VOPP1: variants seen among roughly 807,000 people sequenced by gnomAD.
VOPP1 encodes the protein VOPP1 WW domain binding protein.
In VOPP1, 8 loss-of-function variants were observed where a neutral mutation model predicts 23.5. That is an observed-to-expected ratio of 0.34 (90% CI 0.20 to 0.61). The LOEUF (loss-of-function observed/expected upper bound fraction) is 0.61. VOPP1 is among the 20% of genes least tolerant of loss of function. The pLI is 0.78. For synonymous variants in VOPP1, 83 were observed against 97.3 expected (o/e 0.85, Z 0.86); for missense variants, 174 against 238.1 (o/e 0.73, Z 1.77).
At chr7:55,500,846 A>C (rs966231305) in intron 2 of VOPP1, among the ~76,000 whole-genome samples, 3 of 152,254 alleles carry the variant, frequency 2.0e-5, no homozygotes, top group Non-Finnish European at 4.4e-5. Flanking sequence ...CGAAGAGTGG[A>C]CTTGGCCAGC....
chr7:55,482,824 T>C (rs1225931223), intron 4 of VOPP1, among the ~76,000 whole-genome samples: 2 of 152,118 alleles, frequency 1.3e-5, no homozygotes, highest in Non-Finnish European at 2.9e-5. Context: ...CAAGATTAAG[T>C]AGAAAATGAA....
intron 1 of VOPP1, among the ~76,000 whole-genome samples, chr7:55,551,091 T>C (rs1044987553): frequency 6.6e-6 from 1 of 152,132 alleles, no homozygotes; most frequent in Admixed American, 6.5e-5. Context: ...ATTATCTCCC[T>C]GTTATGCAGA....
chr7:55,457,954 C>T (rs1421185446), intron 4 of VOPP1, among the ~76,000 whole-genome samples: 1 of 152,062 alleles, frequency 6.6e-6, no homozygotes, highest in Non-Finnish European at 1.5e-5. Context: ...TTAATATAGT[C>T]CCATTTGTCT....
At chr7:55,503,718 G>A (rs1323681375) in intron 2 of VOPP1, among the ~76,000 whole-genome samples, 2 of 152,180 alleles carry the variant, frequency 1.3e-5, no homozygotes, top group Non-Finnish European at 2.9e-5. Flanking sequence ...GCCATGAAGA[G>A]GGCTTGCTGC....
intron 4 of VOPP1, among the ~76,000 whole-genome samples, chr7:55,456,051 C>T (rs1360537882): frequency 6.6e-6 from 1 of 152,052 alleles, no homozygotes; most frequent in Non-Finnish European, 1.5e-5. Flanking sequence ...TACAATCTAT[C>T]CATCTGACAA....
chr7:55,502,509 G>T (rs1330555056), intron 2 of VOPP1, among the ~76,000 whole-genome samples: 1 of 152,188 alleles, frequency 6.6e-6, no homozygotes, highest in Non-Finnish European at 1.5e-5. Context: ...GATGCTGGCA[G>T]GCCCCAGCTA....
At chr7:55,448,974 G>A (rs1025094264) in intron 4 of VOPP1, among the ~76,000 whole-genome samples, 1 of 152,240 alleles carries the variant, frequency 6.6e-6, no homozygotes, top group Non-Finnish European at 1.5e-5. Context: ...GGGAAGAGGG[G>A]ACCGTTGAAA....
At chr7:55,525,146 T>TGCCA (rs1796094640) in intron 1 of VOPP1, among the ~76,000 whole-genome samples, 1 of 152,076 alleles carries the variant, frequency 6.6e-6, no homozygotes, top group African/African-American at 2.4e-5. Flanking sequence ...GACTGCAACC[T>TGCCA]GCCAGCCACA....
intron 2 of VOPP1, among the ~76,000 whole-genome samples, chr7:55,516,294 G>C (rs1278095695): frequency 6.6e-6 from 1 of 152,152 alleles, no homozygotes; most frequent in Non-Finnish European, 1.5e-5. Context: ...ATCCCAAAGG[G>C]TCTTTTTCTT....
chr7:55,468,298 A>AG (rs1195609808), downstream of VOPP1, among the ~76,000 whole-genome samples: 1 of 151,536 alleles, frequency 6.6e-6, no homozygotes, highest in Non-Finnish European at 1.5e-5. Flanking sequence ...AGAAAAAAAA[A>AG]GAAAGAAAGA....
At chr7:55,468,525 A>G (rs1791693111), downstream of VOPP1, among the ~76,000 whole-genome samples, 1 of 152,188 alleles carries the variant, frequency 6.6e-6, no homozygotes. Flanking sequence ...AGATGGATCA[A>G]CAGTCATGGT....
At chr7:55,465,453 GA>G (rs1791609839) in intron 4 of VOPP1, among the ~76,000 whole-genome samples, 1 of 152,226 alleles carries the variant, frequency 6.6e-6, no homozygotes, top group African/African-American at 2.4e-5. Context: ...ATCGTAGTCT[GA>G]AAGATGGAGA....
At chr7:55,502,193 T>C (rs915552694) in intron 2 of VOPP1, among the ~76,000 whole-genome samples, 1 of 152,230 alleles carries the variant, frequency 6.6e-6, no homozygotes, top group East Asian at 1.9e-4. Context: ...TTCAGACATA[T>C]GTAGAGCCCT....
chr7:55,507,057 A>C (rs1001243350), intron 2 of VOPP1, among the ~76,000 whole-genome samples: 49 of 152,336 alleles, frequency 3.2e-4, no homozygotes, highest in African/African-American at 1.1e-3. Flanking sequence ...TACCCCAGGA[A>C]AGCTCTCTCA....
chr7:55,490,866 T>C (rs1793514806), intron 4 of VOPP1, among the ~76,000 whole-genome samples: 1 of 152,232 alleles, frequency 6.6e-6, no homozygotes, highest in African/African-American at 2.4e-5. Context: ...CAACATTTTT[T>C]AAAATAAAGA....
chr7:55,446,716 G>A (rs1791109975), intron 4 of VOPP1, among the ~76,000 whole-genome samples: 1 of 152,204 alleles, frequency 6.6e-6, no homozygotes, highest in Non-Finnish European at 1.5e-5. Context: ...ACTGACATCA[G>A]TTGGTACTAC....
At chr7:55,456,400 A>G (rs1791367879) in intron 4 of VOPP1, among the ~76,000 whole-genome samples, 1 of 152,208 alleles carries the variant, frequency 6.6e-6, no homozygotes, top group Non-Finnish European at 1.5e-5. Context: ...TGATTCCGCA[A>G]GGATCTAGAA....
intron 4 of VOPP1, among the ~76,000 whole-genome samples, chr7:55,464,087 G>T (rs553199474): frequency 1.1e-4 from 17 of 152,310 alleles, no homozygotes; most frequent in East Asian, 7.7e-4. Flanking sequence ...GTGGTGGGTT[G>T]AACAGGTTGA....
intron 2 of VOPP1, among the ~76,000 whole-genome samples, chr7:55,508,131 C>T (rs1018894227): frequency 2.0e-5 from 3 of 152,176 alleles, no homozygotes; most frequent in African/African-American, 7.2e-5. Context: ...GTAAAAAGTG[C>T]TCATTTCTTT....
Sources: gnomAD v4.1 joint callset for allele counts (sites outside exome capture counted in the v4.1 genomes callset) on GRCh38, gnomAD v4.1.1 for gene constraint, MANE v1.5 for transcripts, NCBI Gene and HGNC (gene_info 2026-07-23, HGNC 2026-07-21) for gene names.